The following EML6 variants were observed in gnomAD, a reference collection of about 807,000 sequenced individuals.
EML6 encodes EMAP like 6.
Under a neutral mutation model 240.1 loss-of-function variants are expected in EML6, and 154 were observed. The observed-to-expected ratio is 0.64, with a 90% CI of 0.56 to 0.73. The LOEUF (loss-of-function observed/expected upper bound fraction) is 0.73. EML6 is among the 30% of genes least tolerant of loss of function. The pLI is 0.00. For synonymous variants in EML6, 1,148 were observed against 899.0 expected (o/e 1.28, Z -4.95); for missense variants, 2,964 against 2,474.6 (o/e 1.20, Z -4.20).
chr2:54,832,184 T>C lies in EML6; in HGVS notation c.847+2707T>C, dbSNP rs188378067. On this transcript the variant is annotated intron_variant, in intron 7 of 41. Transcript: ENST00000356458. ...AAAGAAGAAAGGCTCCTGGTTTGAA[T>C]TACTGGTAACAACTAAAGTCTGGCC... Among the ~76,000 whole-genome samples the C allele has an allele frequency of 2.6e-5, 4 of 152,322 alleles. 1 individual carries two copies. Among genetic ancestry groups the C allele is most frequent in the Admixed American group, 2.6e-4 (4 of 15,306 alleles).
chr2:54,940,701 A>G (rs573106475), intron 28 of EML6, among the ~76,000 whole-genome samples: 14 of 152,344 alleles, frequency 9.2e-5, no homozygotes, highest in African/African-American at 2.9e-4. Context: ...CCTTCACTTC[A>G]TTAGCAACTA....
intron 2 of EML6, among the ~76,000 whole-genome samples, chr2:54,748,049 G>C (rs1186894322): frequency 1.3e-5 from 2 of 151,934 alleles, no homozygotes; most frequent in Non-Finnish European, 2.9e-5. Context: ...GGGGAAAATG[G>C]GTTCCTTATA....
chr2:54,756,435 A>G (rs1280338456), intron 2 of EML6, among the ~76,000 whole-genome samples: 1 of 152,090 alleles, frequency 6.6e-6, no homozygotes. Flanking sequence ...TGTTTCCTTT[A>G]ATGTGCTTAT....
intron 2 of EML6, among the ~76,000 whole-genome samples, chr2:54,745,125 G>A (rs1005701513): frequency 1.3e-5 from 2 of 152,186 alleles, no homozygotes; most frequent in Non-Finnish European, 2.9e-5. Context: ...CCGGGTATGA[G>A]GTCTAGGAAG....
chr2:54,877,731 T>A (rs1458475320), intron 16 of EML6, among the ~76,000 whole-genome samples: 1 of 152,228 alleles, frequency 6.6e-6, no homozygotes, highest in Non-Finnish European at 1.5e-5. Context: ...CTGGTGATGA[T>A]TTAGCCCTTA....
At chr2:54,914,110 C>A (rs371804512) in intron 25 of EML6, among the ~76,000 whole-genome samples, 1 of 152,092 alleles carries the variant, frequency 6.6e-6, no homozygotes, top group South Asian at 2.1e-4. Flanking sequence ...GTTCTTTTTG[C>A]CTAGAAATGC....
At chr2:54,894,155 A>G (rs1672633846) in intron 19 of EML6, among the ~76,000 whole-genome samples, 1 of 151,948 alleles carries the variant, frequency 6.6e-6, no homozygotes, top group African/African-American at 2.4e-5. Flanking sequence ...AAAATGCATT[A>G]AATTAAAAGT....
intron 16 of EML6, among the ~76,000 whole-genome samples, chr2:54,872,373 A>G (rs1337209788): frequency 6.6e-6 from 1 of 152,202 alleles, no homozygotes; most frequent in East Asian, 1.9e-4. Flanking sequence ...TCAAATGCTT[A>G]ATAAGTATAA....
rs1170644096 is a variant in EML6 at position 54,928,379 on chromosome 2, C to T, written c.3742C>T (p.His1248Tyr). 8.4e-6 allele frequency: 13 copies of T among 1,551,950 alleles called. No homozygotes were observed. The highest frequency in any genetic ancestry group is 1.1e-5 in the Non-Finnish European group (13 of 1,147,060). ...ACATGTCACTAACGTGAGGTGGCTGCACAATGACTCTGTGCTGCTCACGGT... is the reference window on the plus strand; with the variant it reads ...ACATGTCACTAACGTGAGGTGGCTGTACAATGACTCTGTGCTGCTCACGGT... ...SAHVTNVRWL[H>Y]NDSVLLTVGG... The change falls in exon 27 of 42, where the codon CAC becomes TAC. Residue 1248 changes from histidine (H) to tyrosine (Y), a missense_variant. Transcript: ENST00000356458.
intron 14 of EML6, 195 bp downstream of exon 14, chr2:54,867,079 T>C (rs1671011896): frequency 4.6e-6 from 2 of 431,942 alleles, no homozygotes; most frequent in East Asian, 7.0e-5. Context: ...TCGTTGATGT[T>C]CTGTGGCCAT....
intron 41 of EML6, among the ~76,000 whole-genome samples, 184 bp downstream of exon 41, chr2:54,968,952 T>C (rs763901431): frequency 2.0e-4 from 31 of 152,156 alleles, no homozygotes; most frequent in Non-Finnish European, 3.4e-4. Context: ...ATTTACTCTT[T>C]GGTGACTGTC....
intron 26 of EML6, among the ~76,000 whole-genome samples, chr2:54,923,125 G>A (rs538082873): frequency 6.6e-6 from 1 of 151,794 alleles, no homozygotes; most frequent in Non-Finnish European, 1.5e-5. Flanking sequence ...AATTTTGGTA[G>A]AGATGGGGTT....
intron 2 of EML6, among the ~76,000 whole-genome samples, chr2:54,732,394 C>T (rs939447740): frequency 6.6e-6 from 1 of 152,002 alleles, no homozygotes; most frequent in African/African-American, 2.4e-5. Flanking sequence ...AGATTTACTC[C>T]TATGTTTTCT....
intron 2 of EML6, among the ~76,000 whole-genome samples, chr2:54,760,433 TCAAA>T: frequency 6.6e-6 from 1 of 152,268 alleles, no homozygotes; most frequent in East Asian, 1.9e-4. Context: ...CTTTTGCTTT[TCAAA>T]CAGTGTTTCA....
chr2:54,758,939 G>A (rs1461510025), intron 2 of EML6, among the ~76,000 whole-genome samples: 1 of 107,060 alleles, frequency 9.3e-6, no homozygotes, highest in Non-Finnish European at 2.0e-5. Flanking sequence ...GCCTTTTTGA[G>A]CTATAGATTT....
At chr2:54,925,994 T>C (rs747717526) in intron 26 of EML6, among the ~76,000 whole-genome samples, 3 of 152,198 alleles carry the variant, frequency 2.0e-5, no homozygotes, top group Non-Finnish European at 4.4e-5. Flanking sequence ...GAAAATTTTA[T>C]AGACAGGGAA....
chr2:54,804,576 A>G (rs1670369113), intron 2 of EML6, among the ~76,000 whole-genome samples: 1 of 152,206 alleles, frequency 6.6e-6, no homozygotes, highest in African/African-American at 2.4e-5. Context: ...CTGCCTGTGG[A>G]AGACTTCTAA....
At chr2:54,899,830 G>GAATGT (rs757266309) in intron 22 of EML6, 48 bp downstream of exon 22, 1 of 1,504,520 alleles carries the variant, frequency 6.6e-7, no homozygotes, top group South Asian at 1.3e-5. Flanking sequence ...ACAAGTAACA[G>GAATGT]AATGTGTCAT....
intron 26 of EML6, among the ~76,000 whole-genome samples, chr2:54,920,024 A>G (rs977007394): frequency 1.3e-5 from 2 of 152,196 alleles, no homozygotes; most frequent in East Asian, 3.8e-4. Flanking sequence ...ACTAATAGAA[A>G]CCCACAACCT....
Sources: gnomAD v4.1 joint callset for allele counts (sites outside exome capture counted in the v4.1 genomes callset) on GRCh38, gnomAD v4.1.1 for gene constraint, MANE v1.5 for transcripts, NCBI Gene and HGNC (gene_info 2026-07-23, HGNC 2026-07-21) for gene names.